Variants in SACS observed in about 807,000 individuals in gnomAD.
SACS encodes sacsin.
A neutral mutation model predicts 348.0 loss-of-function variants in SACS; 197 were observed. That is an observed-to-expected ratio of 0.57 (90% CI 0.50 to 0.64). SACS has a LOEUF of 0.64. SACS is among the 30% of genes least tolerant of loss of function. The pLI is 0.00. For synonymous variants in SACS, 1,985 were observed against 1,910.6 expected (o/e 1.04, Z -1.02); for missense variants, 4,999 against 5,360.8 (o/e 0.93, Z 2.11).
At chr13:23,383,181 G>A (rs1162795092) in intron 2 of SACS, among the ~76,000 whole-genome samples, 1 of 151,882 alleles carries the variant, frequency 6.6e-6, no homozygotes, top group Non-Finnish European at 1.5e-5. Flanking sequence ...ATAAACGGTG[G>A]TCATTCTCAG....
chr13:23,426,951 T>A (rs1874210306), intron 1 of SACS: 2 of 152,178 alleles, frequency 1.3e-5, no homozygotes, highest in Non-Finnish European at 2.9e-5. Context: ...TTCTTCCTCC[T>A]TCTCTTTCTT....
rs75756225 is a variant in SACS at position 23,406,763 on chromosome 13, G to A, written c.20+4457C>T. Among the ~76,000 whole-genome samples, 666 of 152,086 alleles carry A rather than the reference G, an allele frequency of 4.4e-3. 17 individuals are homozygous for A. The East Asian group carries it at 0.079, about 18-fold the overall frequency. ...CTCACGTCATCAATTATTATTTTTT[G>A]CATTTATGTAAATAATCAGGCCAAA... On this transcript the variant is annotated intron_variant, in intron 2 of 9. Transcript: ENST00000382292.
At chr13:23,368,302 A>C in intron 5 of SACS, 100 bp downstream of exon 5, 1 of 822,778 alleles carries the variant, frequency 1.2e-6, no homozygotes. Context: ...GAATCTAGAC[A>C]ACATTTTAAA....
At position 23,388,055 on chromosome 13, in the gene SACS, A is replaced by G. The variant is rs536147419; in HGVS notation, c.21-12786T>C. On this transcript the variant is annotated intron_variant, in intron 2 of 9. Transcript: ENST00000382292. ...CAGTATGGAGATTCTTTAAAGAACT[A>G]AAAGTAGATCTGCCATTCAATCCAG... Among the ~76,000 whole-genome samples, 24 of 152,358 alleles carry G rather than the reference A, an allele frequency of 1.6e-4. No homozygotes were observed. The South Asian group carries it at 5.0e-3, about 32-fold the overall frequency.
chr13:23,347,431 T>C (rs765868008), intron 9 of SACS, among the ~76,000 whole-genome samples: 3 of 152,038 alleles, frequency 2.0e-5, no homozygotes. Flanking sequence ...ACTGCTACAG[T>C]TCTGTGAGAT....
Position 23,339,003 on chromosome 13 carries a change from A to G in SACS, c.4873T>C (p.Phe1625Leu). ...ACAGTCAAAGGTAACTGACAGCCAA[A>G]TACATCTATAAATGGTTTGAACTGA... The part of the protein sequence containing the change: ...PNQFKPFIDV[F>L]GCQLPLTVEA... Residue 1625 changes from phenylalanine (F) to leucine (L), a missense_variant, in exon 10 of 10, where the codon TTT becomes CTT. Physicochemically the swap from Phe to Leu is conservative, Grantham distance 22. This residue lies in a region of SACS where 3,156 missense variants were observed against 3,380.1 expected (regional missense o/e 0.93). Coordinates refer to ENST00000382292, the MANE Select transcript of SACS (RefSeq NM_014363.6). The G allele has an allele frequency of 6.2e-7, 1 of 1,613,870 alleles. No homozygotes were observed. Among genetic ancestry groups the G allele is most frequent in the Non-Finnish European group, 8.5e-7 (1 of 1,179,926 alleles).
chr13:23,352,806 T>C (rs978994398), intron 9 of SACS, among the ~76,000 whole-genome samples: 2 of 152,136 alleles, frequency 1.3e-5, no homozygotes, highest in African/African-American at 4.8e-5. Context: ...TAGATGCAAA[T>C]CCCTGATGGG....
At position 23,339,744 on chromosome 13, in the gene SACS, G is replaced by C. The variant is rs976181139; in HGVS notation, c.4132C>G (p.Pro1378Ala). ...SNQIPASPNT[P>A]VPIHHSKNPS... ...TTTTTGCTATGATGTATAGGAACTG[G>C]TGTGTTGGGGCTTGCTGGAATCTGA... The change falls in exon 10 of 10, where the codon CCA (proline) becomes GCA (alanine). Residue 1378 changes from proline to alanine, a missense_variant. Pro to Ala is a conservative substitution (Grantham distance 27). Coordinates refer to ENST00000382292, the MANE Select transcript of SACS (RefSeq NM_014363.6). 1 of 1,614,048 alleles carries C rather than the reference G, an allele frequency of 6.2e-7. No individual in the cohort carries two copies. Among genetic ancestry groups the C allele is most frequent in the African/African-American group, 1.3e-5 (1 of 74,942 alleles).
intron 2 of SACS, among the ~76,000 whole-genome samples, chr13:23,408,661 T>C (rs910098763): frequency 6.6e-6 from 1 of 152,144 alleles, no homozygotes; most frequent in Non-Finnish European, 1.5e-5. Flanking sequence ...CTAGAGTGGA[T>C]CCTCTTTAAC....
At position 23,360,544 on chromosome 13, in the gene SACS, C is replaced by T. The variant is rs569533465; in HGVS notation, c.458-2063G>A. Among the ~76,000 whole-genome samples the T allele has an allele frequency of 2.0e-5, 3 of 152,192 alleles. No homozygotes were observed. The South Asian group carries it at 6.2e-4, about 32-fold the overall frequency. The stretch of plus-strand genomic sequence containing the variant: ...AGGGGATACACGCACATGACATTAC[C>T]AGGAACACAGTCCGCCTTGCCTGAA... On this transcript the variant is annotated intron_variant, in intron 6 of 9. Transcript: ENST00000382292.
intron 9 of SACS, among the ~76,000 whole-genome samples, chr13:23,348,658 G>A (rs541952886): frequency 7.9e-5 from 12 of 152,138 alleles, no homozygotes; most frequent in Non-Finnish European, 1.6e-4. Context: ...TGAGGCACAG[G>A]GCAAGATGTC....
In SACS at chr13:23,355,082, T is replaced by C. The variant is rs1328893249; in HGVS notation, c.1530A>G (p.Leu510=). The change falls in exon 8 of 10, where the codon TTA becomes TTG. Residue 510 remains leucine (L), a synonymous_variant. Coordinates refer to ENST00000382292, the MANE Select transcript of SACS (RefSeq NM_014363.6). ...VVPKAYATLI[L]DSIKRLEMEK... ...CCATCTCCAGACGTTTTATTGAATC[T>C]AAGATCAGAGTAGCATAAGCTTTGG... 2 of 1,614,102 alleles carry C rather than the reference T, an allele frequency of 1.2e-6. No individual in the cohort carries two copies. The highest frequency in any genetic ancestry group is 1.7e-6 in the Non-Finnish European group (2 of 1,180,048).
At chr13:23,375,590 G>C in intron 2 of SACS, 1 of 1,016,210 alleles carries the variant, frequency 9.8e-7, no homozygotes, top group Non-Finnish European at 1.2e-6. Flanking sequence ...GGCCCTGCAG[G>C]CGCCGCCCGC....
intron 9 of SACS, 90 bp from the exon 10 acceptor site, chr13:23,341,780 CTTTTTTTTT>C (rs4068499): frequency 1.5e-4 from 45 of 298,970 alleles, no homozygotes; most frequent in South Asian, 3.1e-4. Flanking sequence ...CTGGAAGGTT[CTTTTTTTTT>C]TTTTTTTTTT....
chr13:23,374,143 A>G (rs922097154), intron 3 of SACS: 2 of 152,282 alleles, frequency 1.3e-5, no homozygotes, highest in African/African-American at 4.8e-5. Flanking sequence ...AATCAAGTCA[A>G]TGTCTGCATG....
At position 23,385,899 on chromosome 13, in the gene SACS, C is replaced by T. The variant is rs540375905; in HGVS notation, c.21-10630G>A. On this transcript the variant is annotated intron_variant, in intron 2 of 9. Coordinates refer to ENST00000382292, the MANE Select transcript of SACS (RefSeq NM_014363.6). Reference sequence around the variant, plus strand: ...CGCCTTGTACTTCTCCATCAGAGCTCTTGGGCGACCAGGTGCAATGTCAAT... The same window carrying T: ...CGCCTTGTACTTCTCCATCAGAGCTTTTGGGCGACCAGGTGCAATGTCAAT... 3.3e-5 allele frequency among the ~76,000 whole-genome samples: 5 copies of T among 152,346 alleles called. No homozygotes were observed. The South Asian group carries it at 1.0e-3, about 32-fold the overall frequency.
chr13:23,388,568 T>A (rs937131973), intron 2 of SACS, among the ~76,000 whole-genome samples: 8 of 150,514 alleles, frequency 5.3e-5, no homozygotes, highest in Admixed American at 5.3e-4. Context: ...TAAAATAATG[T>A]CTTTTGCAGC....
Position 23,334,920 on chromosome 13 carries a change from GA to G in SACS, c.8955del (p.His2986ThrfsTer4), listed in dbSNP as rs1228783766. The G allele has an allele frequency of 6.2e-7, 1 of 1,613,740 alleles. No individual in the cohort carries two copies. The highest frequency in any genetic ancestry group is 8.5e-7 in the Non-Finnish European group (1 of 1,179,840). On this transcript the variant is annotated frameshift_variant, in exon 10 of 10. Transcript: ENST00000382292. LOFTEE classifies it high-confidence loss of function. ...GGTAAAAGACGTTTCATGTCTTCGTGAATGCAATTGTAAAGTGCTTTCACTA... is the reference window on the plus strand; with the variant it reads ...GGTAAAAGACGTTTCATGTCTTCGTGATGCAATTGTAAAGTGCTTTCACTA... Reference protein sequence around the residue: ...YCLVKALYNCIHEDMKRLLPV... With the variant: ...YCLVKALYNCXHEDMKRLLPV...
At chr13:23,403,910 C>A (rs1360763605) in intron 2 of SACS, among the ~76,000 whole-genome samples, 2 of 152,208 alleles carry the variant, frequency 1.3e-5, no homozygotes, top group African/African-American at 4.8e-5. Context: ...CTAAACACTG[C>A]TTTAGCAGTA....
Sources: allele counts gnomAD v4.1 joint callset (sites outside exome capture counted in the v4.1 genomes callset), GRCh38; gene constraint gnomAD v4.1.1; regional missense constraint gnomAD v4.1.1; transcripts MANE v1.5; gene names NCBI Gene and HGNC (gene_info 2026-07-23, HGNC 2026-07-21).